Variants in ERC2 observed in about 807,000 individuals in gnomAD.
ERC2 encodes the protein ERC protein 2.
A neutral mutation model predicts 114.8 loss-of-function variants in ERC2; 42 were observed. That is an observed-to-expected ratio of 0.37 (90% CI 0.29 to 0.47). The LOEUF (loss-of-function observed/expected upper bound fraction) is 0.47. ERC2 is among the 20% of genes least tolerant of loss of function. ERC2 has a pLI of 0.99. For synonymous variants in ERC2, 454 were observed against 425.5 expected (o/e 1.07, Z -0.82); for missense variants, 939 against 1,150.7 (o/e 0.82, Z 2.66).
At chr3:55,807,700 G>A (rs1420609854) in intron 14 of ERC2, among the ~76,000 whole-genome samples, 2 of 152,162 alleles carry the variant, frequency 1.3e-5, no homozygotes, top group Non-Finnish European at 2.9e-5. Context: ...CTGGATTTAT[G>A]ATGGATAACG....
chr3:55,627,778 A>G (rs537610980), intron 17 of ERC2, among the ~76,000 whole-genome samples: 70 of 152,202 alleles, frequency 4.6e-4, no homozygotes, highest in African/African-American at 1.6e-3. Context: ...GAAATCATCA[A>G]TCAAGGGACT....
At chr3:56,240,776 T>C (rs1005386740) in intron 3 of ERC2, among the ~76,000 whole-genome samples, 3 of 152,210 alleles carry the variant, frequency 2.0e-5, no homozygotes, top group Admixed American at 6.5e-5. Context: ...ACTTAGCAAA[T>C]ACTTGTAGAA....
intron 17 of ERC2, among the ~76,000 whole-genome samples, chr3:55,531,403 C>T (rs2053657853): frequency 6.6e-5 from 10 of 152,106 alleles, no homozygotes; most frequent in Admixed American, 6.6e-4. Flanking sequence ...GAAGCTGATC[C>T]TTCCCCATGA....
intron 17 of ERC2, among the ~76,000 whole-genome samples, chr3:55,579,883 T>C (rs1208698839): frequency 1.3e-5 from 2 of 152,252 alleles, no homozygotes; most frequent in South Asian, 4.1e-4. Flanking sequence ...CAAGGCAATA[T>C]ACTGTTACAT....
At chr3:55,918,698 T>C (rs564145748) in intron 13 of ERC2, among the ~76,000 whole-genome samples, 2 of 151,750 alleles carry the variant, frequency 1.3e-5, no homozygotes, top group East Asian at 3.9e-4. Context: ...CACCCTATCA[T>C]AGGATAAGAA....
intron 4 of ERC2, among the ~76,000 whole-genome samples, chr3:56,151,776 G>A (rs1181672162): frequency 1.3e-5 from 2 of 152,088 alleles, no homozygotes; most frequent in Non-Finnish European, 2.9e-5. Context: ...TGTGACATAC[G>A]GATGTTGAGA....
At chr3:56,459,432 G>C (rs558057058) in intron 1 of ERC2, among the ~76,000 whole-genome samples, 122 of 152,262 alleles carry the variant, frequency 8.0e-4, no homozygotes, top group African/African-American at 2.8e-3. Context: ...GCACTTTGCT[G>C]CCTGCAACTC....
intron 2 of ERC2, among the ~76,000 whole-genome samples, chr3:56,356,040 A>T (rs2058734762): frequency 6.6e-6 from 1 of 152,162 alleles, no homozygotes; most frequent in Admixed American, 6.5e-5. Flanking sequence ...AGGGCTAGAA[A>T]ACCAAGGCCA....
chr3:55,560,112 G>A (rs912814034), intron 17 of ERC2, among the ~76,000 whole-genome samples: 14 of 152,150 alleles, frequency 9.2e-5, no homozygotes, highest in African/African-American at 3.4e-4. Context: ...CTTGCTTCTT[G>A]GGCCAGAGGA....
At chr3:56,095,497 G>A (rs568564962) in intron 6 of ERC2, among the ~76,000 whole-genome samples, 2 of 152,186 alleles carry the variant, frequency 1.3e-5, no homozygotes, top group Admixed American at 6.5e-5. Context: ...TTTCCAATTG[G>A]GAAAAAAGAA....
intron 2 of ERC2, among the ~76,000 whole-genome samples, chr3:56,300,186 A>T (rs2055769369): frequency 6.6e-6 from 1 of 152,088 alleles, no homozygotes; most frequent in Admixed American, 6.6e-5. Context: ...AAAGCAGGAA[A>T]GAAGAAAGGG....
intron 8 of ERC2, among the ~76,000 whole-genome samples, chr3:56,011,547 C>T (rs1294736541): frequency 1.3e-5 from 2 of 151,952 alleles, no homozygotes; most frequent in Admixed American, 1.3e-4. Context: ...GAAAACACTG[C>T]TTTGTAGACT....
chr3:56,242,573 T>C (rs1462623562), intron 3 of ERC2, among the ~76,000 whole-genome samples: 1 of 152,168 alleles, frequency 6.6e-6, no homozygotes, highest in Non-Finnish European at 1.5e-5. Flanking sequence ...TAGGAACTTT[T>C]AAAATGAATT....
chr3:56,385,024 CT>C (rs2106769665), intron 2 of ERC2, among the ~76,000 whole-genome samples: 1 of 152,178 alleles, frequency 6.6e-6, no homozygotes, highest in South Asian at 2.1e-4. Context: ...GCCCTTGTTT[CT>C]TTGAGTAAGT....
At chr3:56,198,728 G>C (rs1317359039) in intron 3 of ERC2, among the ~76,000 whole-genome samples, 1 of 152,202 alleles carries the variant, frequency 6.6e-6, no homozygotes, top group African/African-American at 2.4e-5. Context: ...TGCCCAGTTG[G>C]CAGTGGGAGC....
Position 56,015,281 on chromosome 3 carries a change from G to A in ERC2, c.1779+3613C>T, listed in dbSNP as rs113642625. On this transcript the variant is annotated intron_variant, in intron 8 of 17. Transcript: ENST00000288221. The stretch of plus-strand genomic sequence containing the variant: ...TGTTACATAGGTAAACGTGTGTAAT[G>A]GTGGTTTGCTGCACCTATCAACCCA... Among the ~76,000 whole-genome samples, 679 of 152,162 alleles carry A rather than the reference G, an allele frequency of 4.5e-3. 4 individuals are homozygous for A. Among genetic ancestry groups the A allele is most frequent in the African/African-American group, 0.015 (637 of 41,532 alleles).
intron 14 of ERC2, among the ~76,000 whole-genome samples, chr3:55,838,546 T>G (rs904793287): frequency 1.6e-4 from 24 of 151,988 alleles, no homozygotes; most frequent in African/African-American, 5.8e-4. Flanking sequence ...AGAATGTAGA[T>G]AAAACAGCAA....
intron 6 of ERC2, among the ~76,000 whole-genome samples, chr3:56,116,644 C>T (rs952856233): frequency 3.4e-4 from 52 of 152,212 alleles, no homozygotes; most frequent in Admixed American, 2.6e-4. Flanking sequence ...ACACACTTCA[C>T]TCTCTCTATC....
intron 13 of ERC2, among the ~76,000 whole-genome samples, chr3:55,892,374 T>C (rs1046048536): frequency 6.6e-6 from 1 of 152,080 alleles, no homozygotes; most frequent in African/African-American, 2.4e-5. Context: ...AAAAGAAATG[T>C]AGCCAGGCGT....
Sources: gnomAD v4.1 joint callset for allele counts (sites outside exome capture counted in the v4.1 genomes callset) on GRCh38, gnomAD v4.1.1 for gene constraint, MANE v1.5 for transcripts, NCBI Gene and HGNC (gene_info 2026-07-23, HGNC 2026-07-21) for gene names.